The following TASP1 variants were observed in gnomAD, a reference collection of about 807,000 sequenced individuals.
TASP1 encodes taspase 1, also known as threonine aspartase 1.
TASP1 carries 16 observed loss-of-function variants against 56.6 expected under a neutral mutation model. That is an observed-to-expected ratio of 0.28 (90% CI 0.19 to 0.43). The LOEUF (loss-of-function observed/expected upper bound fraction) is 0.43, where lower values mean the gene tolerates loss of function less well. Ranked by LOEUF, TASP1 falls within the 20% of genes least tolerant of loss-of-function variation. The pLI, the probability that TASP1 is intolerant of heterozygous loss-of-function variation, is 1.00. For missense variants in TASP1, 393 were observed against 511.6 expected (o/e 0.77, Z 2.24); for synonymous variants, 179 against 184.2 (o/e 0.97, Z 0.23).
intron 5 of TASP1, among the ~76,000 whole-genome samples, chr20:13,584,558 A>G (rs542884805): frequency 6.6e-6 from 1 of 152,190 alleles, no homozygotes; most frequent in African/African-American, 2.4e-5. Flanking sequence ...AAAAGATCAG[A>G]ACAAATAAAT....
intron 12 of TASP1, among the ~76,000 whole-genome samples, chr20:13,434,241 G>A (rs1235961732): frequency 2.0e-5 from 3 of 152,084 alleles, no homozygotes; most frequent in Admixed American, 1.3e-4. Context: ...TTTTCTAAAT[G>A]TATGTATGCT....
At chr20:13,359,906 CCATCT>C in the TASP1 span, among the ~76,000 whole-genome samples, 2 of 152,012 alleles carry the variant, frequency 1.3e-5, no homozygotes, top group South Asian at 4.2e-4. Flanking sequence ...GCACCCCTTA[CCATCT>C]CATTAAAACC....
chr20:13,221,779 G>A, the TASP1 span: 1 of 1,448,170 alleles, frequency 6.9e-7, no homozygotes, highest in Non-Finnish European at 9.0e-7. Context: ...TCAAAAGGAT[G>A]GTGCGCCTGG....
chr20:13,450,071 G>C (rs911282518), intron 11 of TASP1, among the ~76,000 whole-genome samples: 2 of 151,976 alleles, frequency 1.3e-5, no homozygotes, highest in Admixed American at 1.3e-4. Flanking sequence ...AAGTTTTTTG[G>C]TTTCCCAGTG....
At chr20:13,299,372 C>T in the TASP1 span, 1 of 1,613,736 alleles carries the variant, frequency 6.2e-7, no homozygotes, top group South Asian at 1.1e-5. This position sits in a 1 kb window ranked among gnomAD's most constrained non-coding sequence, Gnocchi z 5.8. Flanking sequence ...ATAACGAGGC[C>T]CGGCCTCCCA....
intron 10 of TASP1, among the ~76,000 whole-genome samples, chr20:13,515,881 C>G (rs2044510061): frequency 6.6e-6 from 1 of 152,018 alleles, no homozygotes; most frequent in Non-Finnish European, 1.5e-5. Flanking sequence ...CACATTGTAC[C>G]TCACAGTCAT....
At chr20:13,500,079 T>C (rs2043888045) in intron 10 of TASP1, among the ~76,000 whole-genome samples, 1 of 151,760 alleles carries the variant, frequency 6.6e-6, no homozygotes, top group African/African-American at 2.4e-5. Context: ...AACCTCACTA[T>C]TATGTGACAT....
At chr20:13,279,724 G>A in the TASP1 span, 11 of 1,614,028 alleles carry the variant, frequency 6.8e-6, no homozygotes, top group South Asian at 2.2e-5. Context: ...CCCATCCCCC[G>A]ACTGGCGGGC....
At chr20:13,340,456 A>G in the TASP1 span, among the ~76,000 whole-genome samples, 1 of 151,352 alleles carries the variant, frequency 6.6e-6, no homozygotes, top group East Asian at 1.9e-4. Flanking sequence ...CAAAAACTCC[A>G]TCATACCAGT....
the TASP1 span, among the ~76,000 whole-genome samples, chr20:13,267,286 A>G: frequency 6.6e-6 from 1 of 152,216 alleles, no homozygotes; most frequent in African/African-American, 2.4e-5. Flanking sequence ...CAAATACTTT[A>G]CAAACACCAA....
chr20:13,475,363 T>C (rs1318023980), intron 11 of TASP1, among the ~76,000 whole-genome samples: 3 of 152,172 alleles, frequency 2.0e-5, no homozygotes, highest in African/African-American at 7.2e-5. Flanking sequence ...ATTCTGTTGG[T>C]GGACATTACA....
At chr20:13,632,712 T>C (rs1037529623) in intron 1 of TASP1, among the ~76,000 whole-genome samples, 2 of 152,192 alleles carry the variant, frequency 1.3e-5, no homozygotes, top group Non-Finnish European at 2.9e-5. Flanking sequence ...CAACTCCCAA[T>C]GGTTACTGAA....
chr20:13,594,498 T>TA (rs1163853211), intron 4 of TASP1, among the ~76,000 whole-genome samples: 1 of 152,152 alleles, frequency 6.6e-6, no homozygotes, highest in Non-Finnish European at 1.5e-5. Context: ...GACAAATGGC[T>TA]AACTAGAATA....
intron 4 of TASP1, among the ~76,000 whole-genome samples, chr20:13,599,218 C>A (rs1375391843): frequency 6.6e-6 from 1 of 152,160 alleles, no homozygotes; most frequent in East Asian, 1.9e-4. Flanking sequence ...ACTATAAAGA[C>A]ACATGCACAC....
chr20:13,584,371 C>T (rs2047229177), intron 5 of TASP1, among the ~76,000 whole-genome samples: 1 of 152,010 alleles, frequency 6.6e-6, no homozygotes, highest in Admixed American at 6.5e-5. Context: ...ATGTTTAATT[C>T]CAATATGATT....
At chr20:13,598,343 C>A (rs997802771) in intron 4 of TASP1, among the ~76,000 whole-genome samples, 1 of 152,080 alleles carries the variant, frequency 6.6e-6, no homozygotes, top group Non-Finnish European at 1.5e-5. Context: ...ATATATAGAC[C>A]AATGGAACAG....
At chr20:13,595,976 A>G (rs1282826872) in intron 4 of TASP1, among the ~76,000 whole-genome samples, 2 of 152,190 alleles carry the variant, frequency 1.3e-5, no homozygotes, top group Admixed American at 6.5e-5. Flanking sequence ...ATAATTGGAA[A>G]TAAAGCACTC....
intron 6 of TASP1, among the ~76,000 whole-genome samples, chr20:13,580,219 G>C (rs1451745070): frequency 2.0e-5 from 3 of 152,246 alleles, no homozygotes; most frequent in Admixed American, 2.0e-4. Context: ...GGCCAAGGCA[G>C]GAGGATTGCT....
the TASP1 span, among the ~76,000 whole-genome samples, chr20:13,131,959 G>A: frequency 6.6e-6 from 1 of 151,880 alleles, no homozygotes; most frequent in East Asian, 1.9e-4. Context: ...ACAGGCAGCT[G>A]GCATCCTTGC....
Sources: allele counts gnomAD v4.1 joint callset (sites outside exome capture counted in the v4.1 genomes callset), GRCh38; gene constraint gnomAD v4.1.1; non-coding constraint Gnocchi (gnomAD v3.1); transcripts MANE v1.5; gene names NCBI Gene and HGNC (gene_info 2026-07-23, HGNC 2026-07-21).